ZBTB25: variants seen among roughly 807,000 people sequenced by gnomAD.
The protein encoded by ZBTB25 is zinc finger and BTB domain containing 25.
In ZBTB25, 20 loss-of-function variants were observed where a neutral mutation model predicts 34.2. That is an observed-to-expected ratio of 0.58 (90% CI 0.41 to 0.85). The LOEUF (loss-of-function observed/expected upper bound fraction) is 0.85. Ranked by LOEUF, ZBTB25 falls within the 40% of genes least tolerant of loss-of-function variation. The pLI is 0.00. For synonymous variants in ZBTB25, 175 were observed against 186.4 expected, an observed-to-expected ratio of 0.94 and a Z score of 0.50; for missense variants, 437 against 521.8, an observed-to-expected ratio of 0.84 and a Z score of 1.58.
intron 1 of ZBTB25, among the ~76,000 whole-genome samples, chr14:64,492,302 G>A (rs934136008): frequency 6.6e-6 from 1 of 151,690 alleles, no homozygotes; most frequent in Non-Finnish European, 1.5e-5. Context: ...CGCCTCCTGG[G>A]TTTAAGCGAT....
At chr14:64,502,683 G>T in intron 1 of ZBTB25, 5 of 985,540 alleles carry the variant, frequency 5.1e-6, no homozygotes, top group Non-Finnish European at 6.0e-6. Context: ...ACAGGTGAGT[G>T]GGGTAAACTG....
chr14:64,460,719 A>T (rs2078543526), intron 2 of ZBTB25: 1 of 152,104 alleles, frequency 6.6e-6, no homozygotes, highest in Non-Finnish European at 1.5e-5. Flanking sequence ...CACCAACCTA[A>T]TATTTTTTTT....
At chr14:64,465,234 C>G (rs1321440307) in intron 2 of ZBTB25, among the ~76,000 whole-genome samples, 1 of 152,150 alleles carries the variant, frequency 6.6e-6, no homozygotes, top group East Asian at 1.9e-4. Context: ...CCCCCGCCCC[C>G]CGAACCTTCC....
chr14:64,473,767 C>CA (rs1787234821), downstream of ZBTB25: 1 of 166,580 alleles, frequency 6.0e-6, no homozygotes, highest in Non-Finnish European at 1.5e-5. Flanking sequence ...TTCTGCCTGC[C>CA]ATTTGTGCAT....
intron 2 of ZBTB25, chr14:64,458,277 A>G: frequency 6.2e-7 from 1 of 1,613,696 alleles, no homozygotes; most frequent in Non-Finnish European, 8.5e-7. Flanking sequence ...GGACCCTGAA[A>G]CAGAACAGGT....
downstream of ZBTB25, among the ~76,000 whole-genome samples, chr14:64,476,434 T>C (rs1040771689): frequency 1.3e-5 from 2 of 152,184 alleles, no homozygotes; most frequent in Admixed American, 6.5e-5. Flanking sequence ...CAAGCTATTC[T>C]CTTGCCTCAG....
intron 2 of ZBTB25, chr14:64,459,733 C>T (rs979319675): frequency 6.6e-7 from 1 of 1,520,332 alleles, no homozygotes; most frequent in African/African-American, 1.4e-5. Flanking sequence ...TTAGAGAAAA[C>T]ATTTATTTCT....
At chr14:64,498,566 C>T (rs1229407664) in intron 1 of ZBTB25, among the ~76,000 whole-genome samples, 2 of 152,208 alleles carry the variant, frequency 1.3e-5, no homozygotes, top group Admixed American at 6.5e-5. Flanking sequence ...CTGCCTTGGC[C>T]TCCCAAAGTG....
chr14:64,488,128 T>C, intron 2 of ZBTB25, 71 bp from the exon 3 acceptor site: 1 of 1,527,436 alleles, frequency 6.5e-7, no homozygotes, highest in Non-Finnish European at 8.7e-7. Context: ...AACAGTATAG[T>C]CTGAGACTAA....
intron 1 of ZBTB25, among the ~76,000 whole-genome samples, chr14:64,499,057 T>C (rs2079395169): frequency 6.6e-6 from 1 of 152,170 alleles, no homozygotes; most frequent in Non-Finnish European, 1.5e-5. Context: ...TACAATTACA[T>C]TGATATTTAA....
At chr14:64,475,859 A>C (rs2078715274), downstream of ZBTB25, among the ~76,000 whole-genome samples, 1 of 152,210 alleles carries the variant, frequency 6.6e-6, no homozygotes, top group African/African-American at 2.4e-5. Context: ...CAGCAGTTTC[A>C]GGACTTTAGC....
chr14:64,470,674 GGA>G (rs948809096), intron 2 of ZBTB25: 4 of 166,684 alleles, frequency 2.4e-5, no homozygotes, highest in African/African-American at 9.7e-5. Context: ...GTAGAAACAG[GGA>G]GAGTGGGTTT....
At chr14:64,473,935 G>C (rs986714553), downstream of ZBTB25, 1 of 166,586 alleles carries the variant, frequency 6.0e-6, no homozygotes, top group African/African-American at 2.4e-5. Flanking sequence ...ATGCTCCTTA[G>C]TTACAAAAAT....
At chr14:64,488,951 A>C (rs2078976737) in intron 2 of ZBTB25, among the ~76,000 whole-genome samples, 1 of 152,208 alleles carries the variant, frequency 6.6e-6, no homozygotes, top group Non-Finnish European at 1.5e-5. Context: ...CTTCTGAAAG[A>C]ACCTATTGAA....
In ZBTB25 at chr14:64,486,519, GA is replaced by G; in HGVS notation, c.*403del. 1 of 962,110 alleles carries G rather than the reference GA, an allele frequency of 1.0e-6. No homozygotes were observed. Among genetic ancestry groups the G allele is most frequent in the African/African-American group, 1.7e-5 (1 of 57,206 alleles). The allele number at this position is 962,110 out of a possible 1,614,324, so 59.6% of individuals were successfully genotyped here. A position where few individuals can be genotyped will look rare whatever the true frequency, so the allele number is the denominator to read the frequency against. On this transcript the variant is annotated 3_prime_UTR_variant, in exon 3 of 3. Coordinates refer to ENST00000608382, the MANE Select transcript of ZBTB25 (RefSeq NM_006977.5). ...AAATATTTAAAAATAATCCTGGTAG[GA>G]GTGAATTCATGTGAAATGTAGGCAG... is the stretch of plus-strand genomic sequence containing the variant.
Position 64,503,681 on chromosome 14 carries a change from A to ATCT in ZBTB25, c.-29_-28insAGA. The ATCT allele has an allele frequency of 6.7e-6, 6 of 901,866 alleles. No homozygotes were observed. The highest frequency in any genetic ancestry group is 1.8e-5 in the African/African-American group (1 of 55,580). 55.9% of individuals were successfully genotyped at this position (901,866 alleles called of 1,614,324 possible). A position where few individuals can be genotyped will look rare whatever the true frequency, so the allele number is the denominator to read the frequency against. The stretch of plus-strand genomic sequence containing the variant: ...CTTACCCAGATGCCGCCGCGGCGGC[A>ATCT]GGCCGACTCCTCCGTGCAGGAGGGG... On this transcript the variant is annotated 5_prime_UTR_variant, in exon 1 of 3. It adds an upstream start codon to the 5' untranslated region. Coordinates refer to ENST00000608382, the MANE Select transcript of ZBTB25 (RefSeq NM_006977.5).
chr14:64,497,775 T>C (rs2019368024), intron 1 of ZBTB25, among the ~76,000 whole-genome samples: 1 of 152,230 alleles, frequency 6.6e-6, no homozygotes, highest in Non-Finnish European at 1.5e-5. Context: ...TGTACTAGAC[T>C]GGACTCTCAG....
chr14:64,469,504 A>G, intron 2 of ZBTB25: 1 of 1,613,530 alleles, frequency 6.2e-7, no homozygotes, highest in South Asian at 1.1e-5. Context: ...AAAATGAGCA[A>G]GTAGGGGTTT....
At chr14:64,502,736 G>A in intron 1 of ZBTB25, 1 of 982,516 alleles carries the variant, frequency 1.0e-6, no homozygotes, top group Non-Finnish European at 1.2e-6. Flanking sequence ...TCACCAAGGT[G>A]TCTGGAGCCT....
Sources: allele counts gnomAD v4.1 joint callset (sites outside exome capture counted in the v4.1 genomes callset), GRCh38; gene constraint gnomAD v4.1.1; transcripts MANE v1.5; gene names NCBI Gene and HGNC (gene_info 2026-07-23, HGNC 2026-07-21).